The following LILRA1 variants were observed in gnomAD, a reference collection of about 807,000 sequenced individuals.
LILRA1 encodes leukocyte immunoglobulin-like receptor subfamily A member 1.
Under a neutral mutation model 51.6 loss-of-function variants are expected in LILRA1, and 51 were observed. The observed-to-expected ratio is 0.99, with a 90% CI of 0.79 to 1.25. LILRA1 has a LOEUF of 1.25. Ranked by LOEUF, LILRA1 falls within the 50% of genes most tolerant of loss-of-function variation. LILRA1 has a pLI of 0.00. For missense variants in LILRA1, 660 were observed against 611.7 expected, an observed-to-expected ratio of 1.08 and a Z score of -0.83; for synonymous variants, 305 against 248.4, an observed-to-expected ratio of 1.23 and a Z score of -2.14.
chr19:54,595,868 C>T lies in LILRA1; in HGVS notation c.891C>T (p.Cys297=), dbSNP rs770141045. Residue 297 remains cysteine (C), a synonymous_variant, in exon 6 of 10, where the codon TGC becomes TGT. Coordinates refer to ENST00000251372, the MANE Select transcript of LILRA1 (RefSeq NM_006863.4). ...GCTCCTACGGGGGCCAGTACAGATG[C>T]TCCGGTGCATACAACCTCTCCTCCG... ...VSRSYGGQYR[C]SGAYNLSSEW... is the part of the protein sequence containing the mutation. The T allele has an allele frequency of 5.0e-6, 8 of 1,614,068 alleles. No individual in the cohort carries two copies. In the East Asian group the frequency reaches 6.7e-5, roughly 13 times the overall value.
In LILRA1 at chr19:54,595,733, C is replaced by T. The variant is rs148055850; in HGVS notation, c.756C>T (p.Tyr252=). The T allele has an allele frequency of 9.4e-4, 1,521 of 1,613,902 alleles. 1 individual carries two copies. The highest frequency in any genetic ancestry group is 1.0e-3 in the Non-Finnish European group (1,174 of 1,179,842). ...TCCAGTGTGTTTCTGATGTCAGCTA[C>T]GACAGATTTGTTCTGTATAAGGAGG... ...LTLQCVSDVS[Y]DRFVLYKEGE... is the part of the protein sequence containing the mutation. The change falls in exon 6 of 10, where the codon TAC becomes TAT. Residue 252 remains tyrosine (Y), a synonymous_variant. Transcript: ENST00000251372.
intron 6 of LILRA1, 43 bp downstream of exon 6, chr19:54,595,978 C>T: frequency 6.9e-7 from 1 of 1,450,676 alleles, no homozygotes; most frequent in South Asian, 1.2e-5. Flanking sequence ...AGGCTCCGCA[C>T]AGGCCCTGCC....
rs2063152788 is a variant in LILRA1 at position 54,600,942 on chromosome 19, G to A, written c.*125G>A. 1.9e-6 allele frequency: 2 copies of A among 1,047,830 alleles called. No individual in the cohort carries two copies. The highest frequency in any genetic ancestry group is 1.6e-5 in the African/African-American group (1 of 63,438). The allele number at this position is 1,047,830 out of a possible 1,614,324, so 64.9% of individuals were successfully genotyped here. A position where few individuals can be genotyped will look rare whatever the true frequency, so the allele number is the denominator to read the frequency against. ...ATTTAGGGCTGATGCTATCTGGACT[G>A]TCTGCCAATCATTTTTAGAGGGAGG... On this transcript the variant is annotated 3_prime_UTR_variant, in exon 10 of 10. Coordinates refer to ENST00000251372, the MANE Select transcript of LILRA1 (RefSeq NM_006863.4).
In LILRA1 at chr19:54,595,390, CTCCTGG is replaced by C; in HGVS notation, c.654_659del (p.Val219_Leu220del). 1 of 1,609,774 alleles carries C rather than the reference CTCCTGG, an allele frequency of 6.2e-7. No individual in the cohort carries two copies. Among genetic ancestry groups the C allele is most frequent in the East Asian group, 2.2e-5 (1 of 44,842 alleles). ...GTCTCTACCCAGTGATCTCCTGGAG[CTCCTGG>C]TCCTAGGTGAGAAATTCACAGCATT... On this transcript the variant is annotated inframe_deletion, in exon 5 of 10. Transcript: ENST00000251372.
At position 54,595,124 on chromosome 19, in the gene LILRA1, C is replaced by A. The variant is rs2063005851; in HGVS notation, c.383C>A (p.Ser128Ter). 6.2e-7 allele frequency: 1 copy of A among 1,613,774 alleles called. No homozygotes were observed. The highest frequency in any genetic ancestry group is 1.3e-5 in the African/African-American group (1 of 74,912). Reference protein sequence around the residue: ...VTGAYIKPTLSALPSPVVTSG... With the variant: ...VTGAYIKPTL ...GGAGCCTACATCAAACCCACCCTCTCAGCTCTACCCAGCCCTGTGGTGACC... is the reference window on the plus strand; with the variant it reads ...GGAGCCTACATCAAACCCACCCTCTAAGCTCTACCCAGCCCTGTGGTGACC... Residue 128 changes from serine to a stop codon, truncating the protein, a stop_gained, in exon 5 of 10, where the codon TCA becomes TAA. Coordinates refer to ENST00000251372, the MANE Select transcript of LILRA1 (RefSeq NM_006863.4). LOFTEE classifies it high-confidence loss of function.
At chr19:54,600,459 G>C in intron 8 of LILRA1, 53 bp from the exon 9 acceptor site, 7 of 1,585,652 alleles carry the variant, frequency 4.4e-6, no homozygotes, top group Non-Finnish European at 6.1e-6. Flanking sequence ...TAAGAATGCA[G>C]AGCCCAGGGG....
chr19:54,595,168 C>T lies in LILRA1; in HGVS notation c.427C>T (p.Leu143Phe), dbSNP rs2063007970. 2 of 1,613,638 alleles carry T rather than the reference C, an allele frequency of 1.2e-6. No individual in the cohort carries two copies. Among genetic ancestry groups the T allele is most frequent in the African/African-American group, 2.7e-5 (2 of 74,776 alleles). ...PVVTSGGNVT[L>F]HCVSQVAFGS... The stretch of plus-strand genomic sequence containing the variant: ...GGTGACCTCAGGAGGGAACGTGACC[C>T]TCCATTGTGTCTCACAGGTGGCATT... The change falls in exon 5 of 10, where the codon CTC becomes TTC. Residue 143 changes from leucine (L) to phenylalanine (F), a missense_variant. Transcript: ENST00000251372.
rs765329421 is a variant in LILRA1, at chr19:54,595,854, G to T, written c.877G>T (p.Gly293Cys). The T allele has an allele frequency of 7.4e-6, 12 of 1,614,032 alleles. No individual in the cohort carries two copies. In the African/African-American group the frequency reaches 1.5e-4, roughly 20 times the overall value. Residue 293 changes from glycine to cysteine, a missense_variant, in exon 6 of 10, where the codon GGC becomes TGC. Gly to Cys is a radical substitution (Grantham distance 159). Transcript: ENST00000251372. ...TLGPVSRSYG[G>C]QYRCSGAYNL... is the part of the protein sequence containing the mutation. ...GGGCCCTGTGAGCCGCTCCTACGGG[G>T]GCCAGTACAGATGCTCCGGTGCATA... is the stretch of plus-strand genomic sequence containing the variant.
chr19:54,594,823 A>T lies in LILRA1; in HGVS notation c.229A>T (p.Ile77Phe). 2 of 1,487,662 alleles carry T rather than the reference A, an allele frequency of 1.3e-6. No homozygotes were observed. The highest frequency in any genetic ancestry group is 1.9e-6 in the Non-Finnish European group (2 of 1,072,368). 92.2% of individuals were successfully genotyped at this position (1,487,662 alleles called of 1,614,324 possible). A position where few individuals can be genotyped will look rare whatever the true frequency, so the allele number is the denominator to read the frequency against. The change falls in exon 4 of 10, where the codon ATT becomes TTT. Residue 77 changes from isoleucine (I) to phenylalanine (F), a missense_variant. Coordinates refer to ENST00000251372, the MANE Select transcript of LILRA1 (RefSeq NM_006863.4). ...CTGGATTACACGGATCCCACAGGAG[A>T]TTGTGAAGAAGGGCCAGTTCCCCAT... is the stretch of plus-strand genomic sequence containing the variant. ...APWITRIPQE[I>F]VKKGQFPIPS...
intron 7 of LILRA1, among the ~76,000 whole-genome samples, chr19:54,598,466 G>C (rs1298237698): frequency 1.3e-5 from 2 of 152,160 alleles, no homozygotes; most frequent in African/African-American, 4.8e-5. Flanking sequence ...CCTGTGGCAT[G>C]AGAAACCCGG....
At chr19:54,594,300 G>C (rs767955029) in intron 2 of LILRA1, 22 bp downstream of exon 2, 4 of 1,612,988 alleles carry the variant, frequency 2.5e-6, no homozygotes, top group Non-Finnish European at 3.4e-6. Context: ...AGAGGGAGGG[G>C]AGCTTCTAAC....
In LILRA1 at chr19:54,595,626, C is replaced by G. The variant is rs1029910540; in HGVS notation, c.662-13C>G. 7.5e-6 allele frequency: 12 copies of G among 1,598,148 alleles called. No individual in the cohort carries two copies. The highest frequency in any genetic ancestry group is 1.0e-5 in the Non-Finnish European group (12 of 1,169,934). On this transcript the variant is annotated splice_polypyrimidine_tract_variant and intron_variant, in intron 5 of 9. Coordinates refer to ENST00000251372, the MANE Select transcript of LILRA1 (RefSeq NM_006863.4). ...AGGGTCGGCTCCTGGAAACCATGAG[C>G]ACCTTTTCCCAGGTGTTTCTAAGAA...
At position 54,594,701 on chromosome 19, in the gene LILRA1, G is replaced by C. The variant is rs772715948; in HGVS notation, c.107G>C (p.Gly36Ala). 6.2e-7 allele frequency: 1 copy of C among 1,613,658 alleles called. No homozygotes were observed. Among genetic ancestry groups the C allele is most frequent in the Non-Finnish European group, 8.5e-7 (1 of 1,179,790 alleles). The change falls in exon 4 of 10, where the codon GGC becomes GCC. Residue 36 changes from glycine to alanine, a missense_variant. Coordinates refer to ENST00000251372, the MANE Select transcript of LILRA1 (RefSeq NM_006863.4). Reference sequence around the variant, plus strand: ...AAGCCCACACTCTGGGCTGAGCCAGGCTCTGTGATCACCCAGGGGAGTCCC... The same window carrying C: ...AAGCCCACACTCTGGGCTGAGCCAGCCTCTGTGATCACCCAGGGGAGTCCC... ...LPKPTLWAEPGSVITQGSPVT... is the reference protein window; with the variant it reads ...LPKPTLWAEPASVITQGSPVT...
chr19:54,596,641 G>A (rs2063065117), intron 7 of LILRA1, 150 bp downstream of exon 7: 4 of 1,122,340 alleles, frequency 3.6e-6, no homozygotes, highest in Non-Finnish European at 5.0e-6. Context: ...GCCCAGGCGG[G>A]TGGATCAGGA....
chr19:54,596,683 C>T (rs2063066017), intron 7 of LILRA1, among the ~76,000 whole-genome samples, 192 bp downstream of exon 7: 1 of 152,078 alleles, frequency 6.6e-6, no homozygotes, highest in South Asian at 2.1e-4. Context: ...CTGGCTAACA[C>T]AGTGAACCCC....
chr19:54,596,070 G>A (rs968834080), intron 6 of LILRA1, 119 bp from the exon 7 acceptor site: 27 of 1,441,150 alleles, frequency 1.9e-5, no homozygotes, highest in African/African-American at 5.7e-5. Flanking sequence ...GGGGATGGGC[G>A]GGGCGGGGAA....
In LILRA1 at chr19:54,594,200, C is replaced by T. The variant is rs779644842; in HGVS notation, c.-45C>T. Reference sequence around the variant, plus strand: ...CTGTGTGTCTCTGTCCTGCCAGCACCGAGGGCTCATCCATCCGCAGAGCAG... The same window carrying T: ...CTGTGTGTCTCTGTCCTGCCAGCACTGAGGGCTCATCCATCCGCAGAGCAG... On this transcript the variant is annotated 5_prime_UTR_variant, in exon 2 of 10. It introduces an in-frame stop codon into an upstream open reading frame of the 5' UTR. Transcript: ENST00000251372. 2.0e-5 allele frequency: 32 copies of T among 1,612,574 alleles called. No homozygotes were observed. The highest frequency in any genetic ancestry group is 2.5e-5 in the Non-Finnish European group (30 of 1,179,292).
At chr19:54,600,641 G>A (rs1324925103) in intron 9 of LILRA1, 58 bp from the exon 10 acceptor site, 2 of 1,610,424 alleles carry the variant, frequency 1.2e-6, no homozygotes, top group East Asian at 4.5e-5. Context: ...ACATCCAGAG[G>A]TCCTGGGTGA....
rs771051507 is a variant in LILRA1 at position 54,600,766 on chromosome 19, G to T, written c.1419G>T (p.Val473=). 6.2e-7 allele frequency: 1 copy of T among 1,614,106 alleles called. No homozygotes were observed. The highest frequency in any genetic ancestry group is 8.5e-7 in the Non-Finnish European group (1 of 1,180,004). ...IRMGIAGLVL[V]VLGILLFEAQ... is the part of the protein sequence containing the mutation. ...TGGGCATAGCTGGCTTGGTCCTGGT[G>T]GTCCTCGGGATTCTGCTATTTGAGG... is the stretch of plus-strand genomic sequence containing the variant. Residue 473 remains valine, a synonymous_variant, in exon 10 of 10, where the codon GTG becomes GTT. Coordinates refer to ENST00000251372, the MANE Select transcript of LILRA1 (RefSeq NM_006863.4).
Sources: gnomAD v4.1 joint callset for allele counts (sites outside exome capture counted in the v4.1 genomes callset) on GRCh38, gnomAD v4.1.1 for gene constraint, MANE v1.5 for transcripts, NCBI Gene and HGNC (gene_info 2026-07-23, HGNC 2026-07-21) for gene names.